DLG1: variants seen among roughly 807,000 people sequenced by gnomAD.
DLG1 encodes discs large MAGUK scaffold protein 1.
Under a neutral mutation model 123.4 loss-of-function variants are expected in DLG1, and 42 were observed. That is an observed-to-expected ratio of 0.34 (90% CI 0.27 to 0.44). DLG1 has a LOEUF of 0.44. Among genes scored for constraint, DLG1 ranks in the 20% least tolerant of loss-of-function variants. The pLI is 1.00. For synonymous variants in DLG1, 317 were observed against 356.2 expected, an observed-to-expected ratio of 0.89 and a Z score of 1.24; for missense variants, 942 against 1,082.6, an observed-to-expected ratio of 0.87 and a Z score of 1.82.
chr3:197,045,684 C>A (rs193122119), intron 24 of DLG1, among the ~76,000 whole-genome samples: 2 of 152,172 alleles, frequency 1.3e-5, no homozygotes, highest in Non-Finnish European at 2.9e-5. Flanking sequence ...TTCACAACTG[C>A]AGTGAGCTAT....
chr3:197,054,422 T>C (rs1730203514), intron 23 of DLG1, among the ~76,000 whole-genome samples: 1 of 143,906 alleles, frequency 6.9e-6, no homozygotes. Context: ...TTCACTTTTC[T>C]TCAGTCATTT....
chr3:197,190,625 C>A (rs1253570493), intron 5 of DLG1, among the ~76,000 whole-genome samples: 1 of 152,192 alleles, frequency 6.6e-6, no homozygotes, highest in Non-Finnish European at 1.5e-5. Flanking sequence ...AACTTGTAAA[C>A]CTCCCAAAGG....
At chr3:197,166,011 G>A (rs1181151581) in intron 5 of DLG1, among the ~76,000 whole-genome samples, 1 of 152,202 alleles carries the variant, frequency 6.6e-6, no homozygotes, top group Non-Finnish European at 1.5e-5. Context: ...AGCATCTGTA[G>A]GCAGGGAGTG....
At chr3:197,084,809 C>CA (rs1247456828) in intron 16 of DLG1, among the ~76,000 whole-genome samples, 1 of 150,800 alleles carries the variant, frequency 6.6e-6, no homozygotes, top group African/African-American at 2.4e-5. Flanking sequence ...GATATTTAGA[C>CA]AGAGTTTTGC....
At chr3:197,185,329 T>A (rs545987406) in intron 5 of DLG1, among the ~76,000 whole-genome samples, 1 of 152,178 alleles carries the variant, frequency 6.6e-6, no homozygotes, top group Non-Finnish European at 1.5e-5. Context: ...CAAGAAAACA[T>A]GCTAATGCTG....
chr3:197,268,158 A>T (rs950694356), intron 4 of DLG1, among the ~76,000 whole-genome samples: 1 of 152,242 alleles, frequency 6.6e-6, no homozygotes, highest in Non-Finnish European at 1.5e-5. Context: ...TAATACTAAA[A>T]ATAGTAATAA....
chr3:197,268,662 T>C (rs1159940284), intron 4 of DLG1, among the ~76,000 whole-genome samples: 1 of 152,058 alleles, frequency 6.6e-6, no homozygotes, highest in African/African-American at 2.4e-5. Flanking sequence ...GAAAAATGTT[T>C]TTCTTTCTTC....
chr3:197,282,961 C>A, intron 3 of DLG1, 116 bp from the exon 4 acceptor site: 1 of 575,346 alleles, frequency 1.7e-6, no homozygotes, highest in Non-Finnish European at 3.0e-6. Context: ...AAATCAATTC[C>A]CATCGTATAA....
At chr3:197,170,439 A>T (rs976351817) in intron 5 of DLG1, among the ~76,000 whole-genome samples, 2 of 151,952 alleles carry the variant, frequency 1.3e-5, no homozygotes, top group African/African-American at 4.8e-5. Context: ...GATTTTTTTT[A>T]AAGTAGCCAT....
intron 4 of DLG1, among the ~76,000 whole-genome samples, chr3:197,197,679 C>A (rs1723240627): frequency 6.6e-6 from 1 of 152,180 alleles, no homozygotes; most frequent in African/African-American, 2.4e-5. Flanking sequence ...GCGAGGAACA[C>A]AGAATAGCCA....
intron 4 of DLG1, among the ~76,000 whole-genome samples, chr3:197,255,168 C>T (rs769791738): frequency 2.6e-5 from 4 of 152,120 alleles, no homozygotes; most frequent in Non-Finnish European, 5.9e-5. Context: ...ATTCTTCTGT[C>T]ACATGCCTCC....
At chr3:197,151,826 T>C (rs1794002356) in intron 5 of DLG1, among the ~76,000 whole-genome samples, 1 of 139,900 alleles carries the variant, frequency 7.1e-6, no homozygotes, top group South Asian at 2.3e-4. Context: ...GTGGATCACT[T>C]GAAACCAGGA....
At position 197,064,600 on chromosome 3, in the gene DLG1, G is replaced by GTT. The variant is rs57832549; in HGVS notation, c.2373+674_2373+675dup. Among the ~76,000 whole-genome samples the GTT allele has an allele frequency of 9.9e-5, 15 of 151,886 alleles. No individual in the cohort carries two copies. The South Asian group carries it at 1.9e-3, about 19-fold the overall frequency. On this transcript the variant is annotated intron_variant, in intron 22 of 24. Transcript: ENST00000667157. ...TATATATTCTGATCTTTTGTCCACTGTTTTTTTCTATTGGGTTTCTGGTCT... is the reference window on the plus strand; with the variant it reads ...TATATATTCTGATCTTTTGTCCACTGTTTTTTTTTCTATTGGGTTTCTGGTCT...
intron 12 of DLG1, 81 bp downstream of exon 12, chr3:197,119,329 T>C (rs1370835856): frequency 1.6e-6 from 2 of 1,254,314 alleles, no homozygotes; most frequent in African/African-American, 1.5e-5. Flanking sequence ...GTCCTAAAAA[T>C]TGTGGCTATC....
intron 4 of DLG1, among the ~76,000 whole-genome samples, chr3:197,281,013 G>A (rs1314845173): frequency 6.9e-6 from 1 of 144,606 alleles, no homozygotes; most frequent in Admixed American, 7.0e-5. Context: ...TAAACTTTTT[G>A]TGGAGGCTCT....
chr3:197,161,360 T>C (rs1472623502), intron 5 of DLG1, among the ~76,000 whole-genome samples: 1 of 152,168 alleles, frequency 6.6e-6, no homozygotes, highest in African/African-American at 2.4e-5. Context: ...GTTTAAAAAC[T>C]GTTTTAAGCA....
At chr3:197,107,150 C>G (rs1766945644) in intron 13 of DLG1, among the ~76,000 whole-genome samples, 1 of 152,146 alleles carries the variant, frequency 6.6e-6, no homozygotes. Flanking sequence ...CTGTGCTTGG[C>G]TTCTTTCACT....
chr3:197,051,678 T>A lies in DLG1; in HGVS notation c.2484-10A>T. The A allele has an allele frequency of 6.2e-7, 1 of 1,602,274 alleles. No homozygotes were observed. ...ACGCTTATTCATTTCCCTACGAAAA[T>A]AAATGTAGAAATTGATAATTACCAA... On this transcript the variant is annotated splice_polypyrimidine_tract_variant and intron_variant, in intron 23 of 24. Coordinates refer to ENST00000667157, the MANE Select transcript of DLG1 (RefSeq NM_001366207.1).
In DLG1 at chr3:197,051,547, T is replaced by TA. The variant is rs774869159; in HGVS notation, c.2575+29dup. 1.4e-5 allele frequency: 23 copies of TA among 1,586,518 alleles called. 1 individual carries two copies. The South Asian group carries it at 2.6e-4, about 18-fold the overall frequency. ...ATGGCTTCAAAGCAAAATTCTATCTTAAAGAGGACTGTTACAACACGGTTC... is the reference window on the plus strand; with the variant it reads ...ATGGCTTCAAAGCAAAATTCTATCTTAAAAGAGGACTGTTACAACACGGTTC... On this transcript the variant is annotated intron_variant, in intron 24 of 24. Transcript: ENST00000667157.
Sources: allele counts gnomAD v4.1 joint callset (sites outside exome capture counted in the v4.1 genomes callset), GRCh38; gene constraint gnomAD v4.1.1; transcripts MANE v1.5; gene names NCBI Gene and HGNC (gene_info 2026-07-23, HGNC 2026-07-21).